The following ZNF423 variants were observed in gnomAD, a reference collection of about 807,000 sequenced individuals.
The protein encoded by ZNF423 is Ebf-associated zinc finger protein.
In ZNF423, 12 loss-of-function variants were observed where a neutral mutation model predicts 95.8. That is an observed-to-expected ratio of 0.13 (90% CI 0.08 to 0.20). ZNF423 has a LOEUF of 0.20. Ranked by LOEUF, ZNF423 falls within the 10% of genes least tolerant of loss-of-function variation. The pLI is 1.00. For missense variants in ZNF423, 1,316 were observed against 1,737.1 expected (o/e 0.76, Z 4.31); for synonymous variants, 749 against 711.9 (o/e 1.05, Z -0.83).
At chr16:49,822,103 C>T (rs2034950300) in intron 1 of ZNF423, among the ~76,000 whole-genome samples, 1 of 152,130 alleles carries the variant, frequency 6.6e-6, no homozygotes, top group Admixed American at 6.5e-5. Context: ...GCAGGATCTC[C>T]TGATACAGGA....
In ZNF423 at chr16:49,635,755, C is replaced by T. The variant is rs1000393255; in HGVS notation, c.3421G>A (p.Glu1141Lys). Reference protein sequence around the residue: ...PECSVKFESAEDLESHMQVDH... With the variant: ...PECSVKFESAKDLESHMQVDH... ...ACCTGCATGTGGCTCTCCAGGTCTTCGGCACTCTCAAACTTGACACTGCAC... is the reference window on the plus strand; with the variant it reads ...ACCTGCATGTGGCTCTCCAGGTCTTTGGCACTCTCAAACTTGACACTGCAC... The change falls in exon 4 of 8, where the codon GAA becomes AAA. Residue 1141 changes from glutamate to lysine, a missense_variant. Physicochemically the swap from Glu to Lys is moderately conservative, Grantham distance 56. Around this residue, in one of 6 missense-constraint regions of ZNF423, gnomAD observed 620 missense variants for 775.6 expected, o/e 0.80. Transcript: ENST00000563137. The surrounding 1 kb of genome is among the most constrained non-coding windows in gnomAD (Gnocchi z 4.8). 7 of 1,612,898 alleles carry T rather than the reference C, an allele frequency of 4.3e-6. No individual in the cohort carries two copies. Among genetic ancestry groups the T allele is most frequent in the South Asian group, 1.1e-5 (1 of 91,036 alleles).
At chr16:49,731,431 T>C (rs2033165521) in intron 2 of ZNF423, 3 of 949,332 alleles carry the variant, frequency 3.2e-6, no homozygotes, top group South Asian at 4.9e-5. Flanking sequence ...GGCAGTGACG[T>C]TGGCTCAGTT....
At chr16:49,834,417 G>A (rs1200059938) in intron 1 of ZNF423, among the ~76,000 whole-genome samples, 1 of 152,222 alleles carries the variant, frequency 6.6e-6, no homozygotes, top group East Asian at 1.9e-4. Context: ...GAGAGGGTTG[G>A]TGGAGTTCCC....
chr16:49,549,302 C>T (rs1004274859), intron 5 of ZNF423, among the ~76,000 whole-genome samples: 2 of 152,144 alleles, frequency 1.3e-5, no homozygotes, highest in Non-Finnish European at 2.9e-5. Context: ...GGGGTCTGGG[C>T]TGCAACTCAG....
intron 3 of ZNF423, among the ~76,000 whole-genome samples, chr16:49,661,690 C>T (rs1220937971): frequency 1.3e-5 from 2 of 152,224 alleles, no homozygotes; most frequent in Non-Finnish European, 2.9e-5. Flanking sequence ...AGTGCCTCTT[C>T]TGTGCCAGGC....
At chr16:49,616,662 G>A (rs1971885881) in intron 5 of ZNF423, among the ~76,000 whole-genome samples, 1 of 152,038 alleles carries the variant, frequency 6.6e-6, no homozygotes, top group African/African-American at 2.4e-5. Flanking sequence ...ATGAATGAAG[G>A]AATAAATGAA....
upstream of ZNF423, among the ~76,000 whole-genome samples, chr16:49,858,728 C>G (rs1005616383): frequency 1.4e-5 from 2 of 139,854 alleles, no homozygotes; most frequent in Non-Finnish European, 3.1e-5. This position sits in a 1 kb window ranked among gnomAD's most constrained non-coding sequence, Gnocchi z 4.3. Context: ...CCCCCCCCCC[C>G]ACGCCCCCGC....
chr16:49,832,849 G>T (rs1360550248), intron 1 of ZNF423, among the ~76,000 whole-genome samples: 1 of 152,188 alleles, frequency 6.6e-6, no homozygotes, highest in Non-Finnish European at 1.5e-5. Flanking sequence ...GCCTGAAACG[G>T]GGACCTTGAA....
chr16:49,826,314 C>A (rs2035004750), intron 1 of ZNF423, among the ~76,000 whole-genome samples: 1 of 152,208 alleles, frequency 6.6e-6, no homozygotes, highest in South Asian at 2.1e-4. Context: ...CAAAGAGAAC[C>A]TTCCAAGATG....
intron 5 of ZNF423, among the ~76,000 whole-genome samples, chr16:49,528,475 G>C (rs1414616702): frequency 6.6e-6 from 1 of 152,142 alleles, no homozygotes; most frequent in Non-Finnish European, 1.5e-5. Flanking sequence ...ACAGACCACT[G>C]TGTGTCTCGG....
In ZNF423 at chr16:49,730,824, T is replaced by C; in HGVS notation, c.248A>G (p.Asp83Gly). The change falls in exon 3 of 8, where the codon GAC (aspartate) becomes GGC (glycine). Residue 83 changes from aspartate (D) to glycine (G), a missense_variant. By Grantham distance (94) the Asp-to-Gly change is moderately conservative. Transcript: ENST00000563137. The part of the protein sequence containing the change: ...SIYTCDHCQQ[D>G]FESLADLTDH... Reference sequence around the variant, plus strand: ...CGTCAGGTCTGCCAGAGACTCGAAGTCCTGCTGACAGTGATCGCAGGTGTA... The same window carrying C: ...CGTCAGGTCTGCCAGAGACTCGAAGCCCTGCTGACAGTGATCGCAGGTGTA... The C allele has an allele frequency of 6.2e-7, 1 of 1,614,220 alleles. No homozygotes were observed. The highest frequency in any genetic ancestry group is 8.5e-7 in the Non-Finnish European group (1 of 1,180,048).
chr16:49,604,697 A>G (rs1971478837), intron 5 of ZNF423, among the ~76,000 whole-genome samples: 1 of 152,062 alleles, frequency 6.6e-6, no homozygotes, highest in Non-Finnish European at 1.5e-5. Flanking sequence ...CAGTCTGGCC[A>G]TCTGGTCATG....
At chr16:49,783,723 A>T (rs1280340585) in intron 2 of ZNF423, among the ~76,000 whole-genome samples, 4 of 151,984 alleles carry the variant, frequency 2.6e-5, no homozygotes, top group Non-Finnish European at 4.4e-5. Flanking sequence ...AGGCACTGGG[A>T]GCCTTTGGAA....
chr16:49,789,580 T>C, intron 1 of ZNF423, 34 bp from the exon 2 acceptor site: 1 of 1,602,860 alleles, frequency 6.2e-7, no homozygotes. Flanking sequence ...CCTGTGAGTT[T>C]GAAGGCTGTA....
intron 3 of ZNF423, among the ~76,000 whole-genome samples, chr16:49,660,021 C>T (rs142463162): frequency 2.0e-5 from 3 of 152,296 alleles, no homozygotes; most frequent in African/African-American, 4.8e-5. Context: ...CTCCTCCACC[C>T]GCAATATACC....
intron 3 of ZNF423, among the ~76,000 whole-genome samples, chr16:49,651,193 A>ATTTT (rs59884047): frequency 7.0e-6 from 1 of 141,916 alleles, no homozygotes; most frequent in Non-Finnish European, 1.5e-5. Flanking sequence ...GCTAATTTTA[A>ATTTT]TTTTTTTTTT....
rs555176008 is a variant in ZNF423, at chr16:49,824,055, G to A, written c.40+31680C>T. Among the ~76,000 whole-genome samples the A allele has an allele frequency of 8.5e-5, 13 of 152,294 alleles. No individual in the cohort carries two copies. In the East Asian group the frequency reaches 9.6e-4, roughly 11 times the overall value. ...TATAATGCCACGGCACTCCAGCCTC[G>A]ATGACAGAGTGATAACATCTCAAAA... On this transcript the variant is annotated intron_variant, in intron 1 of 7. Transcript: ENST00000563137.
At chr16:49,856,866 G>C (rs1370779484), upstream of ZNF423, among the ~76,000 whole-genome samples, 3 of 148,218 alleles carry the variant, frequency 2.0e-5, no homozygotes, top group African/African-American at 7.3e-5. Flanking sequence ...TGGGCCAGGG[G>C]CTCGGAGAGG....
intron 3 of ZNF423, among the ~76,000 whole-genome samples, chr16:49,715,366 G>GA (rs1219005988): frequency 6.6e-6 from 1 of 152,200 alleles, no homozygotes; most frequent in Non-Finnish European, 1.5e-5. Context: ...CTATCCACGT[G>GA]AAAAGCTGAA....
Sources: allele counts gnomAD v4.1 joint callset (sites outside exome capture counted in the v4.1 genomes callset), GRCh38; gene constraint gnomAD v4.1.1; regional missense constraint gnomAD v4.1.1; non-coding constraint Gnocchi (gnomAD v3.1); transcripts MANE v1.5; gene names NCBI Gene and HGNC (gene_info 2026-07-23, HGNC 2026-07-21).